GRIK4: variants seen among roughly 807,000 people sequenced by gnomAD.
GRIK4 encodes glutamate ionotropic receptor kainate type subunit 4.
Under a neutral mutation model 104.9 loss-of-function variants are expected in GRIK4, and 40 were observed. The ratio of observed to expected loss-of-function variants is 0.38; its 90% CI spans 0.30 to 0.50. The LOEUF (loss-of-function observed/expected upper bound fraction) is 0.50. Among genes scored for constraint, GRIK4 ranks in the 20% least tolerant of loss-of-function variants. The probability of loss-of-function intolerance (pLI) is 0.93; values close to 1 mark genes in which losing one functional copy is unlikely to be tolerated. For synonymous variants in GRIK4, 485 were observed against 524.9 expected, an observed-to-expected ratio of 0.92 and a Z score of 1.04; for missense variants, 1,047 against 1,308.1, an observed-to-expected ratio of 0.80 and a Z score of 3.08.
chr11:120,693,329 T>C (rs935592910), intron 3 of GRIK4, among the ~76,000 whole-genome samples: 47 of 152,072 alleles, frequency 3.1e-4, no homozygotes, highest in African/African-American at 1.1e-3. Flanking sequence ...GGTCTTGAAC[T>C]CCTGACCTCA....
chr11:120,611,847 G>A (rs1227201934), intron 1 of GRIK4, among the ~76,000 whole-genome samples: 2 of 152,122 alleles, frequency 1.3e-5, no homozygotes, highest in Admixed American at 1.3e-4. Context: ...GGCCTGGTGC[G>A]CCCCACCTGG....
intron 3 of GRIK4, among the ~76,000 whole-genome samples, chr11:120,720,503 C>T (rs371871244): frequency 1.3e-5 from 2 of 152,208 alleles, no homozygotes; most frequent in African/African-American, 4.8e-5. Context: ...GCCTGGACCA[C>T]GTGGGAGGTA....
intron 1 of GRIK4, among the ~76,000 whole-genome samples, chr11:120,574,578 A>C (rs1474180847): frequency 6.6e-6 from 1 of 152,090 alleles, no homozygotes; most frequent in African/African-American, 2.4e-5. Flanking sequence ...CATTTTTGAT[A>C]CTTCCTGGCT....
chr11:120,888,916 G>T lies in GRIK4; in HGVS notation c.1165-9616G>T, dbSNP rs1173362811. On this transcript the variant is annotated intron_variant, in intron 11 of 20. Coordinates refer to ENST00000527524, the MANE Select transcript of GRIK4 (RefSeq NM_014619.5). ...AATACTGCCTTGGACCAACTGAGTTGCAGGCTTAATAAAGCCCAGTTAGAG... is the reference window on the plus strand; with the variant it reads ...AATACTGCCTTGGACCAACTGAGTTTCAGGCTTAATAAAGCCCAGTTAGAG... 3.9e-5 allele frequency among the ~76,000 whole-genome samples: 6 copies of T among 152,212 alleles called. No homozygotes were observed. The South Asian group carries it at 6.2e-4, about 16-fold the overall frequency.
intron 3 of GRIK4, among the ~76,000 whole-genome samples, chr11:120,720,372 C>A (rs1950909176): frequency 6.6e-6 from 1 of 152,168 alleles, no homozygotes; most frequent in African/African-American, 2.4e-5. Context: ...TGGCTGTGAG[C>A]AAAGTAATAT....
At chr11:120,919,616 A>G (rs1212234794) in intron 13 of GRIK4, among the ~76,000 whole-genome samples, 3 of 152,166 alleles carry the variant, frequency 2.0e-5, no homozygotes, top group Admixed American at 6.5e-5. Context: ...CTGATTCCCA[A>G]TGCTGCTTGA....
chr11:120,812,654 G>A (rs967595157), intron 4 of GRIK4, among the ~76,000 whole-genome samples: 5 of 152,198 alleles, frequency 3.3e-5, no homozygotes, highest in Admixed American at 6.5e-5. Flanking sequence ...TCAAGGTCTC[G>A]AAACTAGTAA....
chr11:120,741,142 G>A (rs1951322976), intron 3 of GRIK4, among the ~76,000 whole-genome samples: 1 of 152,116 alleles, frequency 6.6e-6, no homozygotes, highest in African/African-American at 2.4e-5. Flanking sequence ...CTGAGCCCCT[G>A]CATGCATTAA....
At chr11:120,554,715 T>G (rs1399672858) in intron 1 of GRIK4, among the ~76,000 whole-genome samples, 3 of 152,114 alleles carry the variant, frequency 2.0e-5, no homozygotes, top group Admixed American at 2.0e-4. Context: ...CCCGCCACCA[T>G]GCCTGGCTGA....
At chr11:120,733,542 A>C (rs972838809) in intron 3 of GRIK4, among the ~76,000 whole-genome samples, 29 of 150,594 alleles carry the variant, frequency 1.9e-4, no homozygotes, top group Admixed American at 3.3e-4. Flanking sequence ...ACTATTTTAT[A>C]ACTCATTATT....
At chr11:120,675,807 C>T (rs1950090837) in intron 3 of GRIK4, among the ~76,000 whole-genome samples, 2 of 152,104 alleles carry the variant, frequency 1.3e-5, no homozygotes, top group Non-Finnish European at 2.9e-5. Flanking sequence ...TAGGACAGTG[C>T]CTGACAGTAG....
intron 3 of GRIK4, among the ~76,000 whole-genome samples, chr11:120,707,431 G>A: frequency 6.6e-6 from 1 of 152,196 alleles, no homozygotes; most frequent in East Asian, 1.9e-4. Flanking sequence ...CTGCACATTT[G>A]TGTGTCTACA....
At chr11:120,542,357 GA>G (rs1948046056) in intron 1 of GRIK4, among the ~76,000 whole-genome samples, 1 of 152,122 alleles carries the variant, frequency 6.6e-6, no homozygotes, top group Non-Finnish European at 1.5e-5. Context: ...AATCCTAAAA[GA>G]AAACATAGGG....
intron 15 of GRIK4, among the ~76,000 whole-genome samples, chr11:120,954,180 C>T (rs1000850506): frequency 2.0e-5 from 3 of 152,224 alleles, no homozygotes; most frequent in East Asian, 1.9e-4. Context: ...AGAAGGGTTG[C>T]ATCAACCTGT....
chr11:120,541,881 A>T (rs1948040821), intron 1 of GRIK4, among the ~76,000 whole-genome samples: 1 of 152,196 alleles, frequency 6.6e-6, no homozygotes, highest in Non-Finnish European at 1.5e-5. Flanking sequence ...CAAAATGTCT[A>T]TACTACTCAA....
intron 14 of GRIK4, among the ~76,000 whole-genome samples, chr11:120,942,949 G>A (rs1156870487): frequency 1.3e-5 from 2 of 152,240 alleles, no homozygotes; most frequent in Non-Finnish European, 2.9e-5. Context: ...CTGAGGTTTC[G>A]TGAAGAAGGA....
intron 13 of GRIK4, among the ~76,000 whole-genome samples, chr11:120,923,659 C>T (rs557611245): frequency 5.3e-5 from 8 of 152,184 alleles, no homozygotes; most frequent in South Asian, 2.1e-4. Context: ...GTGATCCGCC[C>T]GGCTCGGCCT....
intron 1 of GRIK4, among the ~76,000 whole-genome samples, chr11:120,621,235 G>C (rs1032825033): frequency 1.3e-5 from 2 of 152,190 alleles, no homozygotes; most frequent in African/African-American, 4.8e-5. Context: ...GGATGATCTT[G>C]ACAACCTTCT....
At chr11:120,811,722 A>C (rs12292138) in intron 4 of GRIK4, among the ~76,000 whole-genome samples, 16,817 of 152,228 alleles carry the variant, frequency 0.11, 2,967 homozygotes, top group African/African-American at 0.37. Flanking sequence ...AGTATTATTA[A>C]ATAAATATTT....
Sources: allele counts gnomAD v4.1 joint callset (sites outside exome capture counted in the v4.1 genomes callset), GRCh38; gene constraint gnomAD v4.1.1; transcripts MANE v1.5; gene names NCBI Gene and HGNC (gene_info 2026-07-23, HGNC 2026-07-21).